The following KCNIP4 variants were observed in gnomAD, a reference collection of about 807,000 sequenced individuals.
KCNIP4 encodes the protein Kv channel-interacting protein 4.
KCNIP4 carries 12 observed loss-of-function variants against 34.0 expected under a neutral mutation model. The observed-to-expected ratio is 0.35, with a 90% confidence interval of 0.23 to 0.57. The LOEUF (loss-of-function observed/expected upper bound fraction) is 0.57, where lower values mean the gene tolerates loss of function less well. KCNIP4 is among the 20% of genes least tolerant of loss of function. The probability of loss-of-function intolerance (pLI) is 0.83; values close to 1 mark genes in which losing one functional copy is unlikely to be tolerated. For synonymous variants in KCNIP4, 124 were observed against 102.2 expected, an observed-to-expected ratio of 1.21 and a Z score of -1.29; for missense variants, 238 against 311.7, an observed-to-expected ratio of 0.76 and a Z score of 1.78.
intron 1 of KCNIP4, among the ~76,000 whole-genome samples, chr4:21,111,048 A>G (rs1749121107): frequency 6.6e-6 from 1 of 152,184 alleles, no homozygotes; most frequent in Non-Finnish European, 1.5e-5. Flanking sequence ...AATGAGTACA[A>G]TTTTATATTT....
chr4:21,546,613 T>C (rs1435571689), intron 1 of KCNIP4, among the ~76,000 whole-genome samples: 1 of 152,164 alleles, frequency 6.6e-6, no homozygotes, highest in Non-Finnish European at 1.5e-5. Flanking sequence ...CTAATTGGCA[T>C]ATTATTTCAT....
intron 3 of KCNIP4, among the ~76,000 whole-genome samples, chr4:20,831,050 T>C (rs1363583642): frequency 6.6e-6 from 1 of 152,200 alleles, no homozygotes; most frequent in Non-Finnish European, 1.5e-5. Flanking sequence ...TGGGATTGGT[T>C]GATCTCAAAG....
At chr4:20,888,220 G>C (rs1190104190) in intron 1 of KCNIP4, among the ~76,000 whole-genome samples, 1 of 152,024 alleles carries the variant, frequency 6.6e-6, no homozygotes, top group Non-Finnish European at 1.5e-5. Context: ...AAATACATAA[G>C]ATAGTAAATG....
intron 1 of KCNIP4, among the ~76,000 whole-genome samples, chr4:21,350,784 A>AT (rs1560316214): frequency 6.6e-6 from 1 of 152,052 alleles, no homozygotes; most frequent in Non-Finnish European, 1.5e-5. Flanking sequence ...GGCGAAGTGA[A>AT]TTTTTTCTTT....
At chr4:21,599,800 A>C (rs2109116417) in intron 1 of KCNIP4, among the ~76,000 whole-genome samples, 1 of 152,174 alleles carries the variant, frequency 6.6e-6, no homozygotes, top group East Asian at 1.9e-4. Flanking sequence ...AATGCTCTGG[A>C]TGCCAGAAGA....
chr4:20,913,981 C>A (rs569937664), intron 1 of KCNIP4, among the ~76,000 whole-genome samples: 29 of 152,004 alleles, frequency 1.9e-4, no homozygotes, highest in Non-Finnish European at 3.4e-4. Context: ...CATGGTGAAA[C>A]CCTGTTTCTA....
chr4:21,552,334 T>C (rs1738653365), intron 1 of KCNIP4, among the ~76,000 whole-genome samples: 2 of 152,246 alleles, frequency 1.3e-5, no homozygotes, highest in South Asian at 4.1e-4. Context: ...CTGGATACAA[T>C]AGAAATACAA....
At chr4:20,946,453 G>A (rs1302076403) in intron 1 of KCNIP4, among the ~76,000 whole-genome samples, 1 of 152,164 alleles carries the variant, frequency 6.6e-6, no homozygotes, top group Admixed American at 6.5e-5. Flanking sequence ...GCAAGGTTGA[G>A]CTAGGTTGGA....
At position 21,671,523 on chromosome 4, in the gene KCNIP4, C is replaced by G. The variant is rs907445419; in HGVS notation, c.61+277048G>C. On this transcript the variant is annotated intron_variant, in intron 1 of 8. Coordinates refer to ENST00000382152, the MANE Select transcript of KCNIP4 (RefSeq NM_025221.6). The stretch of plus-strand genomic sequence containing the variant: ...TTTTTACATTTAATTTCCACACAGG[C>G]ATCTTTCTTACATTATCTCTGCTTC... 5.3e-5 allele frequency among the ~76,000 whole-genome samples: 8 copies of G among 152,312 alleles called. No individual in the cohort carries two copies. The East Asian group carries it at 1.5e-3, about 29-fold the overall frequency.
intron 1 of KCNIP4, among the ~76,000 whole-genome samples, chr4:21,171,262 C>A (rs949386880): frequency 6.6e-6 from 1 of 152,152 alleles, no homozygotes; most frequent in Non-Finnish European, 1.5e-5. Flanking sequence ...GGGCAACTGT[C>A]AACAATACTT....
At chr4:21,789,567 C>T (rs1440248274) in intron 1 of KCNIP4, among the ~76,000 whole-genome samples, 1 of 152,134 alleles carries the variant, frequency 6.6e-6, no homozygotes, top group Non-Finnish European at 1.5e-5. Context: ...GCAACTGGGT[C>T]ACAGAGGGGT....
chr4:21,466,164 C>T (rs1042681452), intron 1 of KCNIP4, among the ~76,000 whole-genome samples: 1 of 152,176 alleles, frequency 6.6e-6, no homozygotes, highest in African/African-American at 2.4e-5. Context: ...TTGCTTCCTC[C>T]TTTTCCCATT....
intron 1 of KCNIP4, among the ~76,000 whole-genome samples, chr4:21,339,264 T>C (rs1402666773): frequency 6.6e-6 from 1 of 152,200 alleles, no homozygotes; most frequent in Non-Finnish European, 1.5e-5. Context: ...GCTGAGTAAC[T>C]GTAATAAGAA....
At chr4:21,239,699 G>C (rs1759653200) in intron 1 of KCNIP4, among the ~76,000 whole-genome samples, 1 of 152,150 alleles carries the variant, frequency 6.6e-6, no homozygotes, top group South Asian at 2.1e-4. Context: ...AGTTAGAAGG[G>C]CAATCATTAA....
chr4:21,568,337 A>C (rs1040760891), intron 1 of KCNIP4, among the ~76,000 whole-genome samples: 1 of 152,100 alleles, frequency 6.6e-6, no homozygotes, highest in Non-Finnish European at 1.5e-5. Context: ...TGAAAAGGAG[A>C]TATTTGGACA....
intron 1 of KCNIP4, among the ~76,000 whole-genome samples, chr4:21,404,058 C>G (rs1723765312): frequency 6.6e-6 from 1 of 152,208 alleles, no homozygotes; most frequent in Non-Finnish European, 1.5e-5. Flanking sequence ...TGCTGGATTT[C>G]TTGCTGTTCC....
intron 1 of KCNIP4, among the ~76,000 whole-genome samples, chr4:21,794,316 T>C (rs1000678876): frequency 2.0e-5 from 3 of 152,138 alleles, no homozygotes; most frequent in African/African-American, 7.2e-5. Context: ...GAAGATAACA[T>C]TGATTGGATC....
At chr4:21,894,824 C>G (rs1360951404) in intron 1 of KCNIP4, among the ~76,000 whole-genome samples, 4 of 152,164 alleles carry the variant, frequency 2.6e-5, no homozygotes, top group African/African-American at 7.2e-5. Flanking sequence ...AATCCTTCTA[C>G]TACTTAGTGC....
At chr4:21,281,916 C>G (rs965622354) in intron 1 of KCNIP4, among the ~76,000 whole-genome samples, 1 of 152,144 alleles carries the variant, frequency 6.6e-6, no homozygotes, top group African/African-American at 2.4e-5. Context: ...ACACAAAATG[C>G]TATTGGAAAG....
Sources: gnomAD v4.1 joint callset for allele counts (sites outside exome capture counted in the v4.1 genomes callset) on GRCh38, gnomAD v4.1.1 for gene constraint, MANE v1.5 for transcripts, NCBI Gene and HGNC (gene_info 2026-07-23, HGNC 2026-07-21) for gene names.